GABRR1: variants seen among roughly 807,000 people sequenced by gnomAD.
GABRR1 encodes gamma-aminobutyric acid receptor subunit rho-1.
A neutral mutation model predicts 55.5 loss-of-function variants in GABRR1; 59 were observed. The observed-to-expected ratio is 1.06, with a 90% confidence interval of 0.86 to 1.32. The LOEUF (loss-of-function observed/expected upper bound fraction) is 1.32. GABRR1 is among the 40% of genes most tolerant of loss of function. The pLI is 0.00. For missense variants in GABRR1, 602 were observed against 619.1 expected (o/e 0.97, Z 0.29); for synonymous variants, 213 against 226.0 (o/e 0.94, Z 0.51).
In GABRR1 at chr6:89,180,462, T is replaced by C. The variant is rs1323885790; in HGVS notation, c.976A>G (p.Thr326Ala). 6.2e-7 allele frequency: 1 copy of C among 1,613,924 alleles called. No homozygotes were observed. The highest frequency in any genetic ancestry group is 8.5e-7 in the Non-Finnish European group (1 of 1,179,940). ...GAGGCATTCACGCCCGTGATGATGGTGGACATGGTCAGCACCGTTGTGATA... is the reference window on the plus strand; with the variant it reads ...GAGGCATTCACGCCCGTGATGATGGCGGACATGGTCAGCACCGTTGTGATA... Reference protein sequence around the residue: ...LGITTVLTMSTIITGVNASMP... With the variant: ...LGITTVLTMSAIITGVNASMP... The change falls in exon 9 of 10, where the codon ACC (threonine) becomes GCC (alanine). Residue 326 changes from threonine to alanine, a missense_variant. Around this residue, in one of 3 missense-constraint regions of GABRR1, gnomAD observed 435 missense variants for 424.2 expected, o/e 1.03. Transcript: ENST00000454853.
chr6:89,203,572 T>G, intron 1 of GABRR1, 87 bp from the exon 2 acceptor site: 1 of 910,214 alleles, frequency 1.1e-6, no homozygotes, highest in Non-Finnish European at 1.8e-6. Flanking sequence ...CAGATTTGCT[T>G]CAAATCTATC....
intron 1 of GABRR1, among the ~76,000 whole-genome samples, chr6:89,222,670 C>T (rs1211962743): frequency 6.6e-6 from 1 of 152,150 alleles, no homozygotes; most frequent in Non-Finnish European, 1.5e-5. Flanking sequence ...ATTACCAATG[C>T]CATAAACCAG....
intron 7 of GABRR1, among the ~76,000 whole-genome samples, chr6:89,182,754 G>A (rs367761781): frequency 6.6e-6 from 1 of 152,100 alleles, no homozygotes. Context: ...GCTCATGCCT[G>A]TAATCCCAGC....
At chr6:89,212,081 T>A in intron 1 of GABRR1, 1 of 530,664 alleles carries the variant, frequency 1.9e-6, no homozygotes, top group Non-Finnish European at 2.1e-6. Context: ...TAGGTCCATA[T>A]GTTCATACCA....
rs191018755 is a variant in GABRR1, at chr6:89,194,207, G to C, written c.572+3813C>G. Among the ~76,000 whole-genome samples the C allele has an allele frequency of 1.5e-3, 223 of 152,270 alleles. 1 individual carries two copies. Among genetic ancestry groups the C allele is most frequent in the African/African-American group, 5.0e-3 (206 of 41,548 alleles). ...ATCAGAGTGGCTGTTCAGTAGCACT[G>C]TAGGAAGAATATTCTGTAGGTCCCC... On this transcript the variant is annotated intron_variant, in intron 5 of 9. Transcript: ENST00000454853.
intron 7 of GABRR1, among the ~76,000 whole-genome samples, chr6:89,184,327 CT>C (rs57465592): frequency 1.7e-4 from 25 of 147,402 alleles, no homozygotes; most frequent in African/African-American, 2.0e-4. Context: ...TGTGTCCCTA[CT>C]TTTTTTTTTA....
At chr6:89,230,535 G>A (rs552714903) in intron 1 of GABRR1, among the ~76,000 whole-genome samples, 2 of 152,358 alleles carry the variant, frequency 1.3e-5, no homozygotes, top group South Asian at 4.1e-4. Flanking sequence ...TGAGGTGTCA[G>A]TGTGCCCCTG....
chr6:89,224,640 G>C (rs980731153), intron 1 of GABRR1, among the ~76,000 whole-genome samples: 1 of 152,198 alleles, frequency 6.6e-6, no homozygotes, highest in African/African-American at 2.4e-5. Flanking sequence ...ACTCTGCTGA[G>C]TGTTCCTTTT....
At chr6:89,213,669 T>G (rs980756726) in intron 1 of GABRR1, among the ~76,000 whole-genome samples, 1 of 152,224 alleles carries the variant, frequency 6.6e-6, no homozygotes, top group African/African-American at 2.4e-5. Context: ...ATGCAGCCAA[T>G]CAAATGATAA....
chr6:89,196,876 A>AAAGAAAGAAAAGAG lies in GABRR1; in HGVS notation c.572+1143_572+1144insCTCTTTTCTTTCTT, dbSNP rs1554190903. Among the ~76,000 whole-genome samples the AAAGAAAGAAAAGAG allele has an allele frequency of 3.9e-5, 4 of 101,876 alleles. No individual in the cohort carries two copies. In the Admixed American group the frequency reaches 4.8e-4, roughly 12 times the overall value. The allele number at this position is 101,876 out of a possible 152,430, so 66.8% of individuals were successfully genotyped here. ...GAAAGAAAGAAAGAAAGAAAGAAAG[A>AAAGAAAGAAAAGAG]AAGAGAAGAGAAGAAAAAAGAAAAG... On this transcript the variant is annotated intron_variant, in intron 5 of 9. Transcript: ENST00000454853.
chr6:89,192,423 C>T (rs1341429066), intron 5 of GABRR1, among the ~76,000 whole-genome samples: 1 of 152,114 alleles, frequency 6.6e-6, no homozygotes, highest in African/African-American at 2.4e-5. Flanking sequence ...AAACTGCAGG[C>T]ACACACACAC....
rs2127788529 is a variant in GABRR1 at position 89,180,352 on chromosome 6, A to G, written c.1086T>C (p.Tyr362=). Residue 362 remains tyrosine (Y), a synonymous_variant, in exon 9 of 10, where the codon TAT becomes TAC. Coordinates refer to ENST00000454853, the MANE Select transcript of GABRR1 (RefSeq NM_002042.5). ...FVFVFLSVLE[Y]AAVNYLTTVQ... ...CAGTGGTCAGGTAGTTGACGGCCGC[A>G]TACTCCAGCACCGAGAGGAACACGA... 1 of 1,613,844 alleles carries G rather than the reference A, an allele frequency of 6.2e-7. No homozygotes were observed. Among genetic ancestry groups the G allele is most frequent in the Non-Finnish European group, 8.5e-7 (1 of 1,179,826 alleles).
upstream of GABRR1, chr6:89,217,586 C>G: frequency 2.9e-6 from 1 of 339,602 alleles, no homozygotes; most frequent in East Asian, 5.3e-5. Context: ...TTTAGCCGGT[C>G]TAAATTAGTT....
rs905269891 is a variant in GABRR1 at position 89,179,200 on chromosome 6, G to GT, written c.1147-138dup. On this transcript the variant is annotated intron_variant, in intron 9 of 9. Transcript: ENST00000454853. ...GGGAAGAGGGTAGGTATCCTGTTTT[G>GT]TTTTGTTTTTGTTTTTGTTTTTTTT... 9.9e-6 allele frequency: 9 copies of GT among 908,056 alleles called. No individual in the cohort carries two copies. The African/African-American group carries it at 1.2e-4, about 12-fold the overall frequency. The allele number at this position is 908,056 out of a possible 1,614,324, so 56.2% of individuals were successfully genotyped here. A position where few individuals can be genotyped will look rare whatever the true frequency, so the allele number is the denominator to read the frequency against.
Position 89,190,149 on chromosome 6 carries a change from G to A in GABRR1, c.655+16C>T. The A allele has an allele frequency of 6.3e-7, 1 of 1,588,130 alleles. No homozygotes were observed. Among genetic ancestry groups the A allele is most frequent in the Non-Finnish European group, 8.6e-7 (1 of 1,161,240 alleles). On this transcript the variant is annotated intron_variant, in intron 6 of 9. Transcript: ENST00000454853. ...TCAGGAGCTGTGTGCTGATGCCCGG[G>A]GACAAGTCTACTCACAGCTTTCAAT...
chr6:89,220,701 C>T (rs1773101168), upstream of GABRR1, among the ~76,000 whole-genome samples: 1 of 152,050 alleles, frequency 6.6e-6, no homozygotes, highest in Non-Finnish European at 1.5e-5. Flanking sequence ...TGAACTATAA[C>T]ACTTCCAGAC....
In GABRR1 at chr6:89,226,168, T is replaced by C. The variant is rs1284915027; in HGVS notation, c.-410-4722A>G. 6.3e-4 allele frequency among the ~76,000 whole-genome samples: 95 copies of C among 151,864 alleles called. 1 individual carries two copies. Among genetic ancestry groups the C allele is most frequent in the Non-Finnish European group, 1.0e-4 (7 of 67,908 alleles). On this transcript the variant is annotated intron_variant, in intron 1 of 11. Transcript: ENST00000369451. ...TCATTGTAGATTCTGGATATTAGCC[T>C]TTTGTCAGATGAGTAGGTTGCGAAA... is the stretch of plus-strand genomic sequence containing the variant.
chr6:89,204,400 C>T (rs1263134741), intron 1 of GABRR1, among the ~76,000 whole-genome samples: 3 of 152,158 alleles, frequency 2.0e-5, no homozygotes, highest in Non-Finnish European at 4.4e-5. Context: ...TGATGGGCAG[C>T]GTGAGGCCGA....
chr6:89,199,576 G>A (rs1772401553), intron 3 of GABRR1, 147 bp from the exon 4 acceptor site: 2 of 661,588 alleles, frequency 3.0e-6, no homozygotes, highest in Non-Finnish European at 5.3e-6. Flanking sequence ...TCAAACCAGA[G>A]ATAAAAGCAT....
Sources: gnomAD v4.1 joint callset for allele counts (sites outside exome capture counted in the v4.1 genomes callset) on GRCh38, gnomAD v4.1.1 for gene constraint, gnomAD v4.1.1 regional missense constraint, MANE v1.5 for transcripts, NCBI Gene and HGNC (gene_info 2026-07-23, HGNC 2026-07-21) for gene names.